CTPS2: variants seen among roughly 807,000 people sequenced by gnomAD.
CTPS2 encodes the protein CTP synthase II.
CTPS2 carries 19 observed loss-of-function variants against 46.8 expected under a neutral mutation model. That is an observed-to-expected ratio of 0.41 (90% confidence interval 0.28 to 0.60). The LOEUF is 0.60. Among genes scored for constraint, CTPS2 ranks in the 20% least tolerant of loss-of-function variants. CTPS2 has a pLI of 0.35. For synonymous variants in CTPS2, 151 were observed against 165.2 expected, an observed-to-expected ratio of 0.91 and a Z score of 0.66; for missense variants, 286 against 447.6, an observed-to-expected ratio of 0.64 and a Z score of 3.26.
chrX:16,608,044 T>A (rs1383484903), intron 17 of CTPS2, among the ~76,000 whole-genome samples: 1 of 110,459 alleles, frequency 9.1e-6, no homozygotes, highest in Non-Finnish European at 1.9e-5. Context: ...AAACCCTGTC[T>A]CTACTAAAAA....
At chrX:16,614,623 G>A (rs1288627234) in intron 16 of CTPS2, among the ~76,000 whole-genome samples, 1 of 112,618 alleles carries the variant, frequency 8.9e-6, no homozygotes, top group East Asian at 2.8e-4. Flanking sequence ...ATAAAAAACA[G>A]CCATGGGCCA....
chrX:16,609,659 A>G lies in CTPS2; in HGVS notation c.1573T>C (p.Phe525Leu), dbSNP rs963600197. Residue 525 changes from phenylalanine to leucine, a missense_variant, in exon 17 of 19, where the codon TTC (phenylalanine) becomes CTC (leucine). Phe to Leu is a conservative substitution (Grantham distance 22, BLOSUM62 0). Transcript: ENST00000359276. The part of the protein sequence containing the change: ...ANHPYFVGVQ[F>L]HPEFSSRPMK... ...GGCCTAGAAGAAAACTCAGGATGGA[A>G]CTGGACACCAACAAAATAAGGATGA... is the stretch of plus-strand genomic sequence containing the variant. 1.7e-5 allele frequency: 20 copies of G among 1,208,460 alleles called. No homozygotes were observed. The highest frequency in any genetic ancestry group is 2.1e-5 in the Non-Finnish European group (19 of 894,521).
intron 11 of CTPS2, among the ~76,000 whole-genome samples, chrX:16,667,989 G>A (rs777218096): frequency 7.3e-5 from 8 of 109,435 alleles, no homozygotes; most frequent in Non-Finnish European, 7.6e-5. Context: ...TCAACTGGGC[G>A]CAATGGCTCA....
intron 13 of CTPS2, among the ~76,000 whole-genome samples, chrX:16,659,888 G>C (rs1351379999): frequency 9.0e-6 from 1 of 111,245 alleles, no homozygotes; most frequent in African/African-American, 3.3e-5. Context: ...CTGCAAGTTT[G>C]TGCCCTTTGA....
intron 13 of CTPS2, among the ~76,000 whole-genome samples, chrX:16,665,430 T>A (rs1299039139): frequency 8.9e-6 from 1 of 112,749 alleles, no homozygotes; most frequent in Non-Finnish European, 1.9e-5. Context: ...GAAATATTAA[T>A]CAGCAATAAA....
chrX:16,677,303 T>C (rs1007565831), intron 10 of CTPS2, among the ~76,000 whole-genome samples: 16 of 111,737 alleles, frequency 1.4e-4, no homozygotes, highest in African/African-American at 5.2e-4. Context: ...AATGTTTTCT[T>C]AAACTAAACA....
intron 14 of CTPS2, among the ~76,000 whole-genome samples, chrX:16,621,705 T>C (rs1011181222): frequency 9.0e-6 from 1 of 111,396 alleles, no homozygotes; most frequent in Non-Finnish European, 1.9e-5. Context: ...CAGGGAATTA[T>C]CAGACTCTCA....
chrX:16,656,356 C>T, intron 13 of CTPS2, among the ~76,000 whole-genome samples: 1 of 111,847 alleles, frequency 8.9e-6, no homozygotes. Flanking sequence ...GCCCAGACTG[C>T]CACACTATAC....
chrX:16,651,015 T>G, intron 13 of CTPS2: 1 of 1,206,068 alleles, frequency 8.3e-7, no homozygotes, highest in Non-Finnish European at 1.1e-6. Context: ...GAATGAGTAC[T>G]AAAAAGTCTC....
chrX:16,598,955 A>G (rs1014803672), intron 17 of CTPS2, among the ~76,000 whole-genome samples: 2 of 111,763 alleles, frequency 1.8e-5, no homozygotes, highest in African/African-American at 6.5e-5. Context: ...CAAAGACAAA[A>G]ACCACATGAT....
chrX:16,594,737 G>A (rs999486992), intron 17 of CTPS2, among the ~76,000 whole-genome samples: 1 of 112,180 alleles, frequency 8.9e-6, no homozygotes, highest in Non-Finnish European at 1.9e-5. Flanking sequence ...TTAACAAAAT[G>A]AAGTTCAGCT....
At chrX:16,650,590 G>A (rs1172056238) in intron 13 of CTPS2, among the ~76,000 whole-genome samples, 2 of 95,685 alleles carry the variant, frequency 2.1e-5, no homozygotes, top group Non-Finnish European at 4.0e-5. Context: ...CGCACTCACT[G>A]CAACCTCCGC....
intron 14 of CTPS2, among the ~76,000 whole-genome samples, chrX:16,637,940 CTTGAG>C (rs1931837282): frequency 9.0e-6 from 1 of 111,660 alleles, no homozygotes; most frequent in Non-Finnish European, 1.9e-5. Flanking sequence ...CTTACTCTTT[CTTGAG>C]TTAAGAAGGC....
intron 4 of CTPS2, among the ~76,000 whole-genome samples, chrX:16,697,241 G>T (rs183018012): frequency 7.3e-5 from 8 of 109,704 alleles, no homozygotes; most frequent in African/African-American, 2.3e-4. Context: ...CGTGGCTCAG[G>T]GGTCACTGCA....
At position 16,704,809 on chromosome X, in the gene CTPS2, T is replaced by G. The variant is rs774316989; in HGVS notation, c.-39-1868A>C. Among the ~76,000 whole-genome samples the G allele has an allele frequency of 2.7e-5, 3 of 110,436 alleles. No homozygotes were observed. In the South Asian group the frequency reaches 1.2e-3, roughly 43 times the overall value. ...CTAAAAATACAAAATTAGCCAGGTG[T>G]GGTGGTGCATGCCTGTAATCTCAGC... On this transcript the variant is annotated intron_variant, in intron 1 of 18. Coordinates refer to ENST00000359276, the MANE Select transcript of CTPS2 (RefSeq NM_175859.3).
chrX:16,673,994 C>G (rs1305871663), intron 10 of CTPS2, among the ~76,000 whole-genome samples: 1 of 111,613 alleles, frequency 9.0e-6, no homozygotes, highest in East Asian at 2.8e-4. Flanking sequence ...GTAAAAGTTC[C>G]TAAGAGTTAA....
At chrX:16,666,061 A>T (rs1428490037) in intron 13 of CTPS2, among the ~76,000 whole-genome samples, 1 of 112,675 alleles carries the variant, frequency 8.9e-6, no homozygotes, top group Non-Finnish European at 1.9e-5. Context: ...CGGATTATAC[A>T]GTTTAAATGG....
intron 9 of CTPS2, among the ~76,000 whole-genome samples, chrX:16,680,560 A>T (rs1922656153): frequency 9.1e-6 from 1 of 110,252 alleles, no homozygotes; most frequent in African/African-American, 3.3e-5. Flanking sequence ...GTCTCAAAAA[A>T]AAAAAAAAGA....
intron 17 of CTPS2, among the ~76,000 whole-genome samples, chrX:16,594,693 C>T (rs1602107460): frequency 8.9e-6 from 1 of 112,073 alleles, no homozygotes; most frequent in African/African-American, 3.2e-5. Flanking sequence ...CTGCCCCAAG[C>T]TCTGCCAACA....
Sources: allele counts gnomAD v4.1 joint callset (sites outside exome capture counted in the v4.1 genomes callset), GRCh38; gene constraint gnomAD v4.1.1; transcripts MANE v1.5; gene names NCBI Gene and HGNC (gene_info 2026-07-23, HGNC 2026-07-21).